RUNX2: variants seen among roughly 807,000 people sequenced by gnomAD.
RUNX2 encodes RUNX family transcription factor 2, also known as runt-related transcription factor 2.
RUNX2 carries 10 observed loss-of-function variants against 51.7 expected under a neutral mutation model. That is an observed-to-expected ratio of 0.19 (90% CI 0.12 to 0.33). RUNX2 has a LOEUF of 0.33. Ranked by LOEUF, RUNX2 falls within the 10% of genes least tolerant of loss-of-function variation. The probability of loss-of-function intolerance (pLI) is 1.00; values close to 1 mark genes in which losing one functional copy is unlikely to be tolerated. For synonymous variants in RUNX2, 276 were observed against 273.6 expected (o/e 1.01, Z -0.09); for missense variants, 562 against 691.3 (o/e 0.81, Z 2.10).
chr6:45,393,730 G>A (rs1487936550), intron 2 of RUNX2, among the ~76,000 whole-genome samples: 1 of 151,808 alleles, frequency 6.6e-6, no homozygotes, highest in African/African-American at 2.4e-5. Context: ...ACCCAGCCCG[G>A]TAAAGGAAGA....
intron 2 of RUNX2, among the ~76,000 whole-genome samples, chr6:45,412,187 C>CAA (rs35549153): frequency 0.06 from 7,189 of 119,902 alleles, 513 homozygotes; most frequent in African/African-American, 0.17. Flanking sequence ...ATAAAAAATA[C>CAA]AAAAAAAAAA....
intron 2 of RUNX2, among the ~76,000 whole-genome samples, chr6:45,411,640 G>T (rs910848784): frequency 3.9e-5 from 6 of 151,996 alleles, no homozygotes; most frequent in Non-Finnish European, 8.8e-5. Context: ...TTGAAAAAAA[G>T]ATATTTATTT....
intron 2 of RUNX2, among the ~76,000 whole-genome samples, chr6:45,346,872 A>C (rs1392994586): frequency 6.6e-6 from 1 of 152,174 alleles, no homozygotes; most frequent in African/African-American, 2.4e-5. Context: ...GCCTCAATAA[A>C]CATTTCTTAA....
intron 7 of RUNX2, among the ~76,000 whole-genome samples, chr6:45,519,836 G>A (rs9463092): frequency 0.13 from 17,920 of 134,206 alleles, 2,525 homozygotes; most frequent in African/African-American, 0.36. Flanking sequence ...GTGTGTGTGT[G>A]TATATATTTG....
chr6:45,406,096 A>T lies in RUNX2; in HGVS notation c.59-16497A>T, dbSNP rs553986218. ...AAACAATCTCTCTACCTATTTCACA[A>T]ATTCTCGACTGCTCTGTAAACATTT... On this transcript the variant is annotated intron_variant, in intron 2 of 8. Transcript: ENST00000647337. Among the ~76,000 whole-genome samples the T allele has an allele frequency of 1.7e-3, 252 of 152,326 alleles. 1 individual carries two copies. The highest frequency in any genetic ancestry group is 5.7e-3 in the African/African-American group (236 of 41,548).
intron 2 of RUNX2, among the ~76,000 whole-genome samples, chr6:45,353,438 C>T (rs936877562): frequency 1.3e-5 from 2 of 151,556 alleles, no homozygotes; most frequent in South Asian, 2.1e-4. Flanking sequence ...GCAGTACTGG[C>T]AAAGGAATAG....
At chr6:45,341,824 A>G (rs78680262) in intron 2 of RUNX2, among the ~76,000 whole-genome samples, 2 of 152,200 alleles carry the variant, frequency 1.3e-5, no homozygotes, top group Admixed American at 6.5e-5. Context: ...ACACACTAAG[A>G]TAATTCATCG....
intron 2 of RUNX2, among the ~76,000 whole-genome samples, chr6:45,367,874 T>C (rs771998609): frequency 5.3e-5 from 8 of 152,184 alleles, no homozygotes; most frequent in Non-Finnish European, 1.2e-4. Context: ...GAATAACATT[T>C]TTCTTGACAT....
At chr6:45,410,083 A>C (rs1797917323) in intron 2 of RUNX2, among the ~76,000 whole-genome samples, 1 of 152,230 alleles carries the variant, frequency 6.6e-6, no homozygotes, top group African/African-American at 2.4e-5. Context: ...CTCTATACTC[A>C]TAGTTCTGTA....
At chr6:45,532,162 A>ATTT (rs3055521) in intron 7 of RUNX2, among the ~76,000 whole-genome samples, 892 of 85,116 alleles carry the variant, frequency 0.01, 38 homozygotes, top group Non-Finnish European at 0.012. Flanking sequence ...GAAAACCTAG[A>ATTT]TTTTTTTTTT....
intron 7 of RUNX2, among the ~76,000 whole-genome samples, chr6:45,514,586 C>T (rs567758695): frequency 6.6e-6 from 1 of 152,302 alleles, no homozygotes; most frequent in South Asian, 2.1e-4. Context: ...GAAAATCCCT[C>T]TTGTCAGCAT....
At chr6:45,434,236 C>T (rs557847940) in intron 4 of RUNX2, among the ~76,000 whole-genome samples, 1 of 152,132 alleles carries the variant, frequency 6.6e-6, no homozygotes, top group African/African-American at 2.4e-5. Flanking sequence ...TGGCAGGAAA[C>T]CCTTTAACCT....
intron 6 of RUNX2, among the ~76,000 whole-genome samples, chr6:45,493,901 T>C (rs993250080): frequency 3.2e-4 from 49 of 152,186 alleles, no homozygotes; most frequent in African/African-American, 1.2e-3. Flanking sequence ...TTGATTTCTG[T>C]ATTCTGATCA....
In RUNX2 at chr6:45,360,199, T is replaced by C. The variant is rs371398682; in HGVS notation, c.58+31415T>C. On this transcript the variant is annotated intron_variant, in intron 2 of 8. Coordinates refer to ENST00000647337, the MANE Select transcript of RUNX2 (RefSeq NM_001024630.4). ...TTGCCACTGACTATAGGATAATATT[T>C]GGTGAGTTACTCAACCTTTGTGGCT... Among the ~76,000 whole-genome samples the C allele has an allele frequency of 4.6e-5, 7 of 152,320 alleles. No individual in the cohort carries two copies. The East Asian group carries it at 1.2e-3, about 25-fold the overall frequency.
At chr6:45,343,186 G>C (rs1562987502) in intron 2 of RUNX2, among the ~76,000 whole-genome samples, 1 of 152,152 alleles carries the variant, frequency 6.6e-6, no homozygotes, top group Non-Finnish European at 1.5e-5. Flanking sequence ...CAAAACAGCA[G>C]AATCAGCATG....
chr6:45,397,950 T>A (rs56789892), intron 2 of RUNX2, among the ~76,000 whole-genome samples: 1 of 152,152 alleles, frequency 6.6e-6, no homozygotes, highest in Non-Finnish European at 1.5e-5. Flanking sequence ...CGTGTGACAT[T>A]GAACCTAGCA....
At chr6:45,368,436 CA>C (rs887192555) in intron 2 of RUNX2, among the ~76,000 whole-genome samples, 6 of 150,940 alleles carry the variant, frequency 4.0e-5, no homozygotes, top group East Asian at 1.9e-4. Context: ...ATATTGCTAT[CA>C]AAAAAAAAGT....
intron 2 of RUNX2, among the ~76,000 whole-genome samples, chr6:45,390,266 T>C (rs1265259221): frequency 6.6e-6 from 1 of 152,188 alleles, no homozygotes; most frequent in Non-Finnish European, 1.5e-5. Flanking sequence ...GGGTCTCTTA[T>C]AAGTTGAGTC....
chr6:45,409,509 A>G (rs1047202689), intron 2 of RUNX2, among the ~76,000 whole-genome samples: 1 of 152,190 alleles, frequency 6.6e-6, no homozygotes, highest in African/African-American at 2.4e-5. Context: ...ATGTATATCT[A>G]GGGTAGATAC....
Sources: allele counts gnomAD v4.1 joint callset (sites outside exome capture counted in the v4.1 genomes callset), GRCh38; gene constraint gnomAD v4.1.1; transcripts MANE v1.5; gene names NCBI Gene and HGNC (gene_info 2026-07-23, HGNC 2026-07-21).